Variants in IL16 observed in about 807,000 individuals in gnomAD.
IL16 encodes the protein interleukin 16.
In IL16, 67 loss-of-function variants were observed where a neutral mutation model predicts 110.1. The ratio of observed to expected loss-of-function variants is 0.61; its 90% CI spans 0.50 to 0.75. The LOEUF (loss-of-function observed/expected upper bound fraction) is 0.75. Ranked by LOEUF, IL16 falls within the 30% of genes least tolerant of loss-of-function variation. IL16 has a pLI of 0.00. For synonymous variants in IL16, 689 were observed against 662.9 expected, an observed-to-expected ratio of 1.04 and a Z score of -0.61; for missense variants, 1,545 against 1,655.0, an observed-to-expected ratio of 0.93 and a Z score of 1.15.
intron 9 of IL16, among the ~76,000 whole-genome samples, chr15:81,283,529 C>A (rs1424766024): frequency 1.3e-5 from 2 of 152,200 alleles, no homozygotes; most frequent in African/African-American, 4.8e-5. Context: ...TGCATTCTAA[C>A]AAAATCCCCA....
intron 13 of IL16, among the ~76,000 whole-genome samples, chr15:81,298,330 G>A (rs147204482): frequency 2.0e-5 from 3 of 152,302 alleles, no homozygotes; most frequent in South Asian, 4.1e-4. Flanking sequence ...ACTGGGTTGC[G>A]TTCCAGTAGC....
chr15:81,283,377 A>C (rs1596030774), intron 9 of IL16, among the ~76,000 whole-genome samples: 1 of 101,440 alleles, frequency 9.9e-6, no homozygotes, highest in Non-Finnish European at 2.4e-5. Flanking sequence ...CCAAACAAAC[A>C]AAAAAAAGAG....
chr15:81,259,657 A>C, intron 2 of IL16, 115 bp from the exon 3 acceptor site: 1 of 655,738 alleles, frequency 1.5e-6, no homozygotes, highest in East Asian at 2.7e-5. Context: ...TTATCATTTC[A>C]GTAGGGGAGA....
Position 81,311,177 on chromosome 15 carries a change from G to A in IL16, c.*2379G>A, listed in dbSNP as rs1900833116. On this transcript the variant is annotated 3_prime_UTR_variant, in exon 19 of 19. Coordinates refer to ENST00000683961, the MANE Select transcript of IL16 (RefSeq NM_172217.5). ...AGAGCTGACACAGGATGAAGGCAAT[G>A]CCATCCTCAAACACTGCAGGCATCA... 6.6e-6 allele frequency: 1 copy of A among 152,188 alleles called. No homozygotes were observed. The highest frequency in any genetic ancestry group is 1.5e-5 in the Non-Finnish European group (1 of 68,040). The allele number at this position is 152,188 out of a possible 1,614,324, so 9.4% of individuals were successfully genotyped here.
chr15:81,303,417 G>A lies in IL16; in HGVS notation c.3319-132G>A. 1 of 649,316 alleles carries A rather than the reference G, an allele frequency of 1.5e-6. No homozygotes were observed. The highest frequency in any genetic ancestry group is 2.3e-5 in the Admixed American group (1 of 42,824). 40.2% of individuals were successfully genotyped at this position (649,316 alleles called of 1,614,324 possible). On this transcript the variant is annotated intron_variant, in intron 15 of 18. Transcript: ENST00000683961. The surrounding 1 kb of genome is among the most constrained non-coding windows in gnomAD (Gnocchi z 4.1). The stretch of plus-strand genomic sequence containing the variant: ...TTTACAGATGAGGAAACTGAGGTTT[G>A]AGGAGGTGATGTAACTTGGAGGCTG...
intron 5 of IL16, among the ~76,000 whole-genome samples, chr15:81,271,687 G>C (rs1389446013): frequency 2.0e-5 from 3 of 152,136 alleles, no homozygotes; most frequent in Non-Finnish European, 4.4e-5. Flanking sequence ...GTCTCAGCCA[G>C]GACAAGGCTA....
intron 1 of IL16, among the ~76,000 whole-genome samples, chr15:81,219,075 A>G (rs979475872): frequency 5.9e-5 from 9 of 152,230 alleles, no homozygotes; most frequent in African/African-American, 2.2e-4. Flanking sequence ...TTGTCCAGAT[A>G]CTAAGCAACA....
At position 81,273,112 on chromosome 15, in the gene IL16, G is replaced by A; in HGVS notation, c.698G>A (p.Gly233Glu). The A allele has an allele frequency of 6.2e-7, 1 of 1,613,452 alleles. No homozygotes were observed. Among genetic ancestry groups the A allele is most frequent in the Non-Finnish European group, 8.5e-7 (1 of 1,179,620 alleles). The change falls in exon 6 of 19, where the codon GGG becomes GAG. Residue 233 changes from glycine (G) to glutamate (E), a missense_variant. This residue lies in a region of IL16 where 1,185 missense variants were observed against 1,238.8 expected (regional missense o/e 0.96). Transcript: ENST00000683961. Reference protein sequence around the residue: ...QAKGLGFSIVGGKDSIYGPIG... With the variant: ...QAKGLGFSIVEGKDSIYGPIG... ...CAGGGTCTGGGCTTCAGCATCGTTG[G>A]GGGAAAAGACAGCATTTATGGCCCC...
chr15:81,202,737 A>G (rs1416841120), intron 1 of IL16, among the ~76,000 whole-genome samples: 5 of 152,056 alleles, frequency 3.3e-5, no homozygotes, highest in East Asian at 1.9e-4. Context: ...TTGGACATTT[A>G]GGTTGGTTCC....
chr15:81,268,947 TG>T (rs1312460364), intron 4 of IL16, among the ~76,000 whole-genome samples: 2 of 152,178 alleles, frequency 1.3e-5, no homozygotes, highest in African/African-American at 4.8e-5. Context: ...ACCCAGACAA[TG>T]GGGTTCCCAA....
chr15:81,219,440 A>C (rs1001323569), intron 1 of IL16, among the ~76,000 whole-genome samples: 3 of 150,126 alleles, frequency 2.0e-5, no homozygotes, highest in African/African-American at 7.3e-5. Context: ...TTTGGAGGTA[A>C]TATATTACCT....
Position 81,306,268 on chromosome 15 carries a change from T to C in IL16, c.3679+102T>C, listed in dbSNP as rs1299699993. 3.9e-6 allele frequency: 6 copies of C among 1,527,648 alleles called. No individual in the cohort carries two copies. The East Asian group carries it at 9.0e-5, about 23-fold the overall frequency. The allele number at this position is 1,527,648 out of a possible 1,614,324, so 94.6% of individuals were successfully genotyped here. ...ACTCAGTAATTTGTGACCCCAAGAA[T>C]GTGTGGCTGCCTAGTACACTGCCTG... On this transcript the variant is annotated intron_variant, in intron 17 of 18. Transcript: ENST00000683961.
intron 8 of IL16, 66 bp downstream of exon 8, chr15:81,279,840 C>T: frequency 1.4e-6 from 2 of 1,391,096 alleles, no homozygotes; most frequent in South Asian, 2.4e-5. Context: ...CCCAGGCTTT[C>T]CTCACTTGGA....
At chr15:81,183,064 T>TG (rs1317998028) in intron 1 of IL16, among the ~76,000 whole-genome samples, 9 of 152,208 alleles carry the variant, frequency 5.9e-5, no homozygotes, top group African/African-American at 2.2e-4. Flanking sequence ...TGCACACGTG[T>TG]AAGTGTGTGC....
chr15:81,297,866 A>G (rs1484432710), intron 13 of IL16, among the ~76,000 whole-genome samples: 6 of 152,158 alleles, frequency 3.9e-5, no homozygotes, highest in Non-Finnish European at 8.8e-5. Context: ...GGAAATAAAC[A>G]TATAGACTAT....
intron 2 of IL16, among the ~76,000 whole-genome samples, chr15:81,259,061 G>A (rs1251922031): frequency 6.6e-6 from 1 of 152,052 alleles, no homozygotes; most frequent in Non-Finnish European, 1.5e-5. Context: ...CAGCAAGGTA[G>A]AAAAAGGATA....
rs150435672 is a variant in IL16 at position 81,285,334 on chromosome 15, G to A, written c.1200-364G>A. Among the ~76,000 whole-genome samples the A allele has an allele frequency of 2.5e-3, 379 of 152,316 alleles. 2 individuals carry two copies. The highest frequency in any genetic ancestry group is 8.2e-3 in the African/African-American group (342 of 41,564). ...GAACACAGAGGCCCAAGGAGAGGAT[G>A]TGGTGGATTAAATCCTGGTTAATTG... On this transcript the variant is annotated intron_variant, in intron 9 of 18. Transcript: ENST00000683961.
Position 81,313,980 on chromosome 15 carries a change from A to G in IL16, c.*5182A>G, listed in dbSNP as rs1021658580. On this transcript the variant is annotated 3_prime_UTR_variant, in exon 19 of 19. Transcript: ENST00000683961. ...GCATGAAAGAGATGGGCAAAAATAT[A>G]AAAACAATGCCACTCTTTTCACAGT... 6.6e-6 allele frequency: 1 copy of G among 152,192 alleles called. No individual in the cohort carries two copies. Among genetic ancestry groups the G allele is most frequent in the Non-Finnish European group, 1.5e-5 (1 of 68,004 alleles). The allele number at this position is 152,192 out of a possible 1,614,324, so 9.4% of individuals were successfully genotyped here.
chr15:81,250,335 A>C (rs1897725184), intron 2 of IL16, among the ~76,000 whole-genome samples: 1 of 151,880 alleles, frequency 6.6e-6, no homozygotes, highest in African/African-American at 2.4e-5. Flanking sequence ...ACTCCTGGCT[A>C]ATTTTATTTC....
Sources: allele counts gnomAD v4.1 joint callset (sites outside exome capture counted in the v4.1 genomes callset), GRCh38; gene constraint gnomAD v4.1.1; regional missense constraint gnomAD v4.1.1; non-coding constraint Gnocchi (gnomAD v3.1); transcripts MANE v1.5; gene names NCBI Gene and HGNC (gene_info 2026-07-23, HGNC 2026-07-21).